Variants in PLXDC1 observed in about 807,000 individuals in gnomAD.
PLXDC1 encodes the protein plexin domain containing 1.
A neutral mutation model predicts 61.3 loss-of-function variants in PLXDC1; 39 were observed. The ratio of observed to expected loss-of-function variants is 0.64; its 90% CI spans 0.49 to 0.83. The LOEUF (loss-of-function observed/expected upper bound fraction) is 0.83, where lower values mean the gene tolerates loss of function less well. Ranked by LOEUF, PLXDC1 falls within the 40% of genes least tolerant of loss-of-function variation. The pLI, the probability that PLXDC1 is intolerant of heterozygous loss-of-function variation, is 0.00. For synonymous variants in PLXDC1, 212 were observed against 254.5 expected (o/e 0.83, Z 1.59); for missense variants, 596 against 666.5 (o/e 0.89, Z 1.17).
At chr17:39,096,856 C>T (rs1598194865) in intron 7 of PLXDC1, 2 of 464,010 alleles carry the variant, frequency 4.3e-6, no homozygotes, top group East Asian at 1.4e-4. Flanking sequence ...GGCGGTCTCC[C>T]CAGCCACATA....
intron 2 of PLXDC1, among the ~76,000 whole-genome samples, chr17:39,135,762 T>C (rs1028546702): frequency 1.3e-5 from 2 of 150,478 alleles, no homozygotes; most frequent in Non-Finnish European, 2.9e-5. Context: ...CAGGAACACA[T>C]GGGGAACTTG....
chr17:39,128,773 G>A (rs1354794854), intron 2 of PLXDC1, among the ~76,000 whole-genome samples: 1 of 151,936 alleles, frequency 6.6e-6, no homozygotes, highest in African/African-American at 2.4e-5. Flanking sequence ...CACTTTGGGA[G>A]GTCGAGGTGG....
intron 2 of PLXDC1, among the ~76,000 whole-genome samples, chr17:39,134,316 C>G (rs1911664015): frequency 6.6e-6 from 1 of 151,284 alleles, no homozygotes. Flanking sequence ...CAGTCACAGC[C>G]CTGCAGCTGC....
Position 39,063,613 on chromosome 17 carries a change from T to C in PLXDC1, c.*4227A>G. On this transcript the variant is annotated 3_prime_UTR_variant, in exon 14 of 14. Coordinates refer to ENST00000315392, the MANE Select transcript of PLXDC1 (RefSeq NM_020405.5). ...CACTTTCTTTTGCACACAGCAGGAG[T>C]TGTAAAAGAATGCTTCCTTTTATTA... 1 of 638,106 alleles carries C rather than the reference T, an allele frequency of 1.6e-6. No individual in the cohort carries two copies. Among genetic ancestry groups the C allele is most frequent in the Middle Eastern group, 2.4e-4 (1 of 4,086 alleles). 39.5% of individuals were successfully genotyped at this position (638,106 alleles called of 1,614,324 possible). A position where few individuals can be genotyped will look rare whatever the true frequency, so the allele number is the denominator to read the frequency against.
intron 7 of PLXDC1, among the ~76,000 whole-genome samples, chr17:39,089,765 G>C (rs1413642845): frequency 6.6e-6 from 1 of 152,152 alleles, no homozygotes. Context: ...AAGGAACCTA[G>C]AGGAGCTTTG....
chr17:39,119,941 C>T (rs897177817), intron 2 of PLXDC1, among the ~76,000 whole-genome samples: 4 of 152,046 alleles, frequency 2.6e-5, no homozygotes, highest in Admixed American at 2.6e-4. Context: ...GAGTTCCCAG[C>T]CATAATGGGA....
At chr17:39,125,509 G>A (rs1418019990) in intron 2 of PLXDC1, among the ~76,000 whole-genome samples, 1 of 152,164 alleles carries the variant, frequency 6.6e-6, no homozygotes, top group Non-Finnish European at 1.5e-5. Context: ...CTTTTTGAGG[G>A]ATTGTGATAG....
Position 39,083,451 on chromosome 17 carries a change from GCA to G in PLXDC1, c.989+6_989+7del, listed in dbSNP as rs762692287. 1 of 1,612,292 alleles carries G rather than the reference GCA, an allele frequency of 6.2e-7. No homozygotes were observed. The highest frequency in any genetic ancestry group is 1.7e-5 in the Admixed American group (1 of 59,980). ...AGTGGGAGTCAGCAGGTAACCCTGG[GCA>G]CAAACCTCTGGAGGACATGGCACCA... is the stretch of plus-strand genomic sequence containing the variant. On this transcript the variant is annotated splice_donor_region_variant and intron_variant, in intron 9 of 13. Coordinates refer to ENST00000315392, the MANE Select transcript of PLXDC1 (RefSeq NM_020405.5).
chr17:39,108,018 G>A (rs377502677), intron 5 of PLXDC1, 105 bp downstream of exon 5: 173 of 1,422,278 alleles, frequency 1.2e-4, no homozygotes, highest in African/African-American at 6.0e-4. Context: ...CTGCTTTGCC[G>A]TGGGACTGTG....
chr17:39,109,625 A>G (rs962982487), intron 2 of PLXDC1, among the ~76,000 whole-genome samples: 1 of 152,170 alleles, frequency 6.6e-6, no homozygotes, highest in Non-Finnish European at 1.5e-5. Flanking sequence ...GGCCACAGCC[A>G]AATCCACGCC....
chr17:39,069,958 G>A lies in PLXDC1; in HGVS notation c.1281C>T (p.Ile427=), dbSNP rs770268540. Residue 427 remains isoleucine (I), a synonymous_variant, in exon 13 of 14, where the codon ATC becomes ATT. Coordinates refer to ENST00000315392, the MANE Select transcript of PLXDC1 (RefSeq NM_020405.5). ...GGAGGACTGCCAGCACGATGCCCAC[G>A]ATGGTGCCCAGGTGCACAGGAGTGC... ...TKGTPVHLGT[I]VGIVLAVLLV... is the part of the protein sequence containing the mutation. The A allele has an allele frequency of 2.2e-5, 36 of 1,613,424 alleles. No individual in the cohort carries two copies. Among genetic ancestry groups the A allele is most frequent in the Non-Finnish European group, 2.6e-5 (31 of 1,179,372 alleles).
chr17:39,128,807 G>A (rs1008001777), intron 2 of PLXDC1, among the ~76,000 whole-genome samples: 26 of 148,610 alleles, frequency 1.7e-4, no homozygotes, highest in African/African-American at 6.2e-4. Context: ...TCAGGAGATC[G>A]AGACCAGCCT....
At chr17:39,118,157 CCTTTCT>C (rs1567766613) in intron 2 of PLXDC1, among the ~76,000 whole-genome samples, 1 of 142,424 alleles carries the variant, frequency 7.0e-6, no homozygotes, top group African/African-American at 2.6e-5. Flanking sequence ...TCTCTTCCTT[CCTTTCT>C]CTTTCTTTCT....
rs374922712 is a variant in PLXDC1, at chr17:39,090,207, A to G, written c.812-2505T>C. Among the ~76,000 whole-genome samples the G allele has an allele frequency of 2.6e-5, 4 of 152,260 alleles. No homozygotes were observed. In the East Asian group the frequency reaches 7.7e-4, roughly 29 times the overall value. ...CAAAGCATGCTCTCTTCCCAACACA[A>G]TGCCCTGCTGCAGGACACTTCAGCC... On this transcript the variant is annotated intron_variant, in intron 7 of 13. Transcript: ENST00000315392.
intron 11 of PLXDC1, 59 bp downstream of exon 11, chr17:39,077,854 G>C: frequency 6.3e-7 from 1 of 1,589,716 alleles, no homozygotes. Flanking sequence ...GGCCCCAGAG[G>C]GGTGGGTAGC....
At chr17:39,107,374 G>A (rs2143667482) in intron 6 of PLXDC1, 33 bp downstream of exon 6, 1 of 1,287,320 alleles carries the variant, frequency 7.8e-7, no homozygotes, top group Non-Finnish European at 1.1e-6. Flanking sequence ...AAGGCTCCAA[G>A]ACCCAGCTGT....
intron 7 of PLXDC1, among the ~76,000 whole-genome samples, chr17:39,100,725 T>G (rs1210022000): frequency 1.3e-5 from 2 of 152,246 alleles, no homozygotes; most frequent in African/African-American, 4.8e-5. Context: ...TGCAACCAGG[T>G]GATACGGAGA....
chr17:39,141,977 A>C (rs34397156), intron 1 of PLXDC1, among the ~76,000 whole-genome samples: 3,297 of 152,218 alleles, frequency 0.022, 116 homozygotes, highest in African/African-American at 0.075. Context: ...ATGTCTATTT[A>C]AGTCTTTTTC....
intron 2 of PLXDC1, among the ~76,000 whole-genome samples, chr17:39,117,759 C>G (rs1911024244): frequency 6.6e-6 from 1 of 152,162 alleles, no homozygotes; most frequent in African/African-American, 2.4e-5. Flanking sequence ...AACCAAGAGA[C>G]ATGCCTTTTA....
Sources: gnomAD v4.1 joint callset for allele counts (sites outside exome capture counted in the v4.1 genomes callset) on GRCh38, gnomAD v4.1.1 for gene constraint, MANE v1.5 for transcripts, NCBI Gene and HGNC (gene_info 2026-07-23, HGNC 2026-07-21) for gene names.